HS6ST3: variants seen among roughly 807,000 people sequenced by gnomAD.
The protein encoded by HS6ST3 is heparan-sulfate 6-O-sulfotransferase 3.
Under a neutral mutation model 36.7 loss-of-function variants are expected in HS6ST3, and 12 were observed. That is an observed-to-expected ratio of 0.33 (90% CI 0.21 to 0.53). The LOEUF (loss-of-function observed/expected upper bound fraction) is 0.53, where lower values mean the gene tolerates loss of function less well. HS6ST3 is among the 20% of genes least tolerant of loss of function. The pLI is 0.95. For missense variants in HS6ST3, 584 were observed against 640.9 expected (o/e 0.91, Z 0.96); for synonymous variants, 240 against 257.5 (o/e 0.93, Z 0.65).
chr13:96,622,340 G>A (rs1035169834), intron 1 of HS6ST3, among the ~76,000 whole-genome samples: 8 of 152,148 alleles, frequency 5.3e-5, no homozygotes, highest in African/African-American at 1.9e-4. Context: ...AACTACTTGG[G>A]AGAAATATCA....
chr13:96,349,477 A>C (rs1233315349), intron 1 of HS6ST3, among the ~76,000 whole-genome samples: 2 of 152,196 alleles, frequency 1.3e-5, no homozygotes, highest in Non-Finnish European at 2.9e-5. Context: ...CAAAAATTGA[A>C]ATAGAATGTC....
intron 1 of HS6ST3, among the ~76,000 whole-genome samples, chr13:96,562,976 GAA>G (rs2056267855): frequency 7.0e-6 from 1 of 143,538 alleles, no homozygotes; most frequent in Non-Finnish European, 1.5e-5. Context: ...GGCTGGCTAA[GAA>G]AGAGAAGGCT....
At chr13:96,366,512 A>G (rs1460583212) in intron 1 of HS6ST3, among the ~76,000 whole-genome samples, 1 of 151,834 alleles carries the variant, frequency 6.6e-6, no homozygotes, top group African/African-American at 2.4e-5. Context: ...GTAAGGCCCT[A>G]GAGTTCAAGG....
At chr13:96,217,781 T>C (rs2054434376) in intron 1 of HS6ST3, among the ~76,000 whole-genome samples, 1 of 152,156 alleles carries the variant, frequency 6.6e-6, no homozygotes, top group East Asian at 1.9e-4. Flanking sequence ...TGTATATAGG[T>C]GTGCATGCAT....
intron 1 of HS6ST3, among the ~76,000 whole-genome samples, chr13:96,674,868 T>C (rs1233713587): frequency 6.6e-6 from 1 of 152,212 alleles, no homozygotes; most frequent in Non-Finnish European, 1.5e-5. Context: ...TGGTCTCCTC[T>C]CACATTCTCA....
intron 1 of HS6ST3, among the ~76,000 whole-genome samples, chr13:96,499,635 AC>A (rs1320486729): frequency 6.6e-6 from 1 of 152,116 alleles, no homozygotes; most frequent in East Asian, 1.9e-4. Flanking sequence ...GAGGGCAGGA[AC>A]CCTGTGGCTT....
chr13:96,632,061 T>C (rs1420218844), intron 1 of HS6ST3, among the ~76,000 whole-genome samples: 1 of 152,174 alleles, frequency 6.6e-6, no homozygotes, highest in Non-Finnish European at 1.5e-5. Flanking sequence ...GTGAGGCCTT[T>C]AGGAGGCAAT....
At chr13:96,647,551 T>G (rs1003333112) in intron 1 of HS6ST3, among the ~76,000 whole-genome samples, 2 of 151,950 alleles carry the variant, frequency 1.3e-5, no homozygotes, top group African/African-American at 2.4e-5. Flanking sequence ...CAAACAAAAT[T>G]TTGTATTAGC....
intron 1 of HS6ST3, among the ~76,000 whole-genome samples, chr13:96,711,633 A>G (rs1220451800): frequency 8.5e-5 from 13 of 152,096 alleles, no homozygotes; most frequent in Admixed American, 8.5e-4. Context: ...TTTTTCTCCT[A>G]GCTTCTAAGG....
chr13:96,420,859 A>G (rs557819492), intron 1 of HS6ST3, among the ~76,000 whole-genome samples: 78 of 152,354 alleles, frequency 5.1e-4, no homozygotes, highest in Admixed American at 9.1e-4. Flanking sequence ...AGTGTGAACC[A>G]TTTGCTGAGT....
intron 1 of HS6ST3, among the ~76,000 whole-genome samples, chr13:96,531,130 CTCCTT>C (rs780985593): frequency 1.1e-3 from 161 of 152,260 alleles, no homozygotes; most frequent in Non-Finnish European, 2.1e-3. Flanking sequence ...TCTACACACT[CTCCTT>C]TCTGCCCTCA....
At chr13:96,466,102 G>A (rs762436060) in intron 1 of HS6ST3, among the ~76,000 whole-genome samples, 79 of 152,002 alleles carry the variant, frequency 5.2e-4, no homozygotes, top group Non-Finnish European at 9.0e-4. Context: ...TCAACATGGC[G>A]AAACCCTGTC....
At chr13:96,476,285 A>AACC (rs1256264151) in intron 1 of HS6ST3, among the ~76,000 whole-genome samples, 1 of 152,212 alleles carries the variant, frequency 6.6e-6, no homozygotes, top group African/African-American at 2.4e-5. Flanking sequence ...TTAGACACGT[A>AACC]CAATGGATGG....
chr13:96,483,077 T>C (rs777628512), intron 1 of HS6ST3, among the ~76,000 whole-genome samples: 3 of 152,224 alleles, frequency 2.0e-5, no homozygotes, highest in Non-Finnish European at 4.4e-5. Context: ...CTCATGAGCT[T>C]AGAGTCATTA....
intron 1 of HS6ST3, among the ~76,000 whole-genome samples, chr13:96,128,504 C>T (rs904721391): frequency 6.6e-6 from 1 of 152,146 alleles, no homozygotes; most frequent in Non-Finnish European, 1.5e-5. Context: ...TAGTTGGCTC[C>T]TCAGGAAGGT....
At chr13:96,706,413 T>TATATATATATATATATA (rs1555319827) in intron 1 of HS6ST3, among the ~76,000 whole-genome samples, 3 of 121,058 alleles carry the variant, frequency 2.5e-5, no homozygotes, top group African/African-American at 1.1e-4. Flanking sequence ...AGAATATATT[T>TATATATATATATATATA]TATATATATA....
At chr13:96,356,555 GT>G (rs1435127851) in intron 1 of HS6ST3, among the ~76,000 whole-genome samples, 2 of 152,124 alleles carry the variant, frequency 1.3e-5, no homozygotes, top group Admixed American at 1.3e-4. Flanking sequence ...TCAATGAGTA[GT>G]AATCATTTGA....
intron 1 of HS6ST3, among the ~76,000 whole-genome samples, chr13:96,233,270 A>AT (rs1477645218): frequency 6.6e-6 from 1 of 152,100 alleles, no homozygotes; most frequent in East Asian, 1.9e-4. Context: ...CTTTTTATTT[A>AT]TTTTTTCTTG....
At chr13:96,412,661 GAGA>G (rs2055513651) in intron 1 of HS6ST3, among the ~76,000 whole-genome samples, 1 of 152,060 alleles carries the variant, frequency 6.6e-6, no homozygotes, top group South Asian at 2.1e-4. Context: ...CAAAACCACA[GAGA>G]AGATCAGTGA....
Sources: gnomAD v4.1 joint callset for allele counts (sites outside exome capture counted in the v4.1 genomes callset) on GRCh38, gnomAD v4.1.1 for gene constraint, MANE v1.5 for transcripts, NCBI Gene and HGNC (gene_info 2026-07-23, HGNC 2026-07-21) for gene names.